The following COL6A6 variants were observed in gnomAD, a reference collection of about 807,000 sequenced individuals.
COL6A6 encodes the protein collagen alpha-6(VI) chain.
In COL6A6, 183 loss-of-function variants were observed where a neutral mutation model predicts 208.6. That is an observed-to-expected ratio of 0.88 (90% confidence interval 0.78 to 0.99). The LOEUF is 0.99. Ranked by LOEUF, COL6A6 falls within the 50% of genes least tolerant of loss-of-function variation. COL6A6 has a pLI of 0.00. For synonymous variants in COL6A6, 973 were observed against 1,011.8 expected (o/e 0.96, Z 0.73); for missense variants, 2,816 against 2,815.2 (o/e 1.00, Z -0.01).
At chr3:130,522,979 A>G (rs191309198) in intron 1 of COL6A6, among the ~76,000 whole-genome samples, 1 of 151,246 alleles carries the variant, frequency 6.6e-6, no homozygotes, top group East Asian at 1.9e-4. Flanking sequence ...ATCTGCTCAC[A>G]CTTTTCTCTG....
At chr3:130,566,307 A>G (rs1447873168) in intron 4 of COL6A6, among the ~76,000 whole-genome samples, 1 of 152,204 alleles carries the variant, frequency 6.6e-6, no homozygotes, top group Admixed American at 6.5e-5. Flanking sequence ...TGCTCAAGAG[A>G]GTTCATGGGC....
chr3:130,609,097 A>T, intron 22 of COL6A6, 133 bp downstream of exon 22: 1 of 681,566 alleles, frequency 1.5e-6, no homozygotes, highest in Non-Finnish European at 2.5e-6. Context: ...GTAATAAAGT[A>T]AGGAAGCAAC....
intron 23 of COL6A6, 40 bp downstream of exon 23, chr3:130,610,751 T>TG (rs1473016364): frequency 7.1e-7 from 1 of 1,401,984 alleles, no homozygotes; most frequent in Admixed American, 2.0e-5. Context: ...ACTTTGATCT[T>TG]GGCTTGATAT....
intron 36 of COL6A6, among the ~76,000 whole-genome samples, chr3:130,671,124 A>G (rs940819320): frequency 6.6e-6 from 1 of 152,210 alleles, no homozygotes; most frequent in Non-Finnish European, 1.5e-5. Flanking sequence ...AGAAACCTCC[A>G]TGGCAGATGG....
chr3:130,594,206 G>A, intron 17 of COL6A6, 75 bp from the exon 18 acceptor site: 1 of 1,133,674 alleles, frequency 8.8e-7, no homozygotes, highest in Non-Finnish European at 1.3e-6. Context: ...ACACCAGGGA[G>A]AAGAAAAGCT....
chr3:130,523,739 G>A (rs1711220062), intron 1 of COL6A6, among the ~76,000 whole-genome samples: 1 of 152,142 alleles, frequency 6.6e-6, no homozygotes. Flanking sequence ...GCTCTGGGAG[G>A]AACCCAGAGG....
At chr3:130,602,345 G>C (rs2064049552) in intron 20 of COL6A6, among the ~76,000 whole-genome samples, 1 of 152,186 alleles carries the variant, frequency 6.6e-6, no homozygotes, top group South Asian at 2.1e-4. Flanking sequence ...CAATAAACAA[G>C]TGGTCCTATT....
chr3:130,550,219 A>G (rs2062611570), intron 1 of COL6A6, among the ~76,000 whole-genome samples: 1 of 152,190 alleles, frequency 6.6e-6, no homozygotes, highest in Admixed American at 6.6e-5. Flanking sequence ...CAGGCACTGT[A>G]GAATTTTCTA....
chr3:130,628,260 A>G (rs1368032858), intron 26 of COL6A6, among the ~76,000 whole-genome samples: 1 of 152,254 alleles, frequency 6.6e-6, no homozygotes, highest in Admixed American at 6.5e-5. Flanking sequence ...ATCCCTTAAC[A>G]TCTTACAAGA....
chr3:130,559,889 T>A (rs1020243868), intron 1 of COL6A6, among the ~76,000 whole-genome samples: 1 of 152,208 alleles, frequency 6.6e-6, no homozygotes, highest in East Asian at 1.9e-4. Context: ...TTTGATCACA[T>A]CTAAAAATAA....
Position 130,568,541 on chromosome 3 carries a change from A to G in COL6A6, c.2338A>G (p.Asn780Asp). The G allele has an allele frequency of 6.2e-7, 1 of 1,611,104 alleles. No individual in the cohort carries two copies. The highest frequency in any genetic ancestry group is 1.1e-5 in the South Asian group (1 of 91,050). The change falls in exon 6 of 37, where the codon AAT becomes GAT. Residue 780 changes from asparagine (N) to aspartate (D), a missense_variant. Asn to Asp is a conservative substitution (Grantham distance 23). Transcript: ENST00000358511. ...GRPEMVFYVE[N>D]FDILQRIEDD... ...GCCCGAGATGGTTTTTTATGTTGAGAATTTTGACATTCTGCAGCGCATTGA... is the reference window on the plus strand; with the variant it reads ...GCCCGAGATGGTTTTTTATGTTGAGGATTTTGACATTCTGCAGCGCATTGA...
chr3:130,655,274 A>G (rs1432165843), intron 33 of COL6A6, among the ~76,000 whole-genome samples: 1 of 152,142 alleles, frequency 6.6e-6, no homozygotes, highest in African/African-American at 2.4e-5. Flanking sequence ...AGGTTTACCC[A>G]TTTCTCTAGA....
At chr3:130,623,057 G>GA (rs2064783887) in intron 24 of COL6A6, among the ~76,000 whole-genome samples, 1 of 152,142 alleles carries the variant, frequency 6.6e-6, no homozygotes. Flanking sequence ...AGCCTGTGGT[G>GA]AATCTATTCA....
At chr3:130,532,432 C>T (rs932831458) in intron 1 of COL6A6, among the ~76,000 whole-genome samples, 2 of 152,238 alleles carry the variant, frequency 1.3e-5, no homozygotes, top group Non-Finnish European at 2.9e-5. Flanking sequence ...AGGTCTACCC[C>T]TTGCGTCCCC....
In COL6A6 at chr3:130,593,190, G is replaced by GT. The variant is rs778751088; in HGVS notation, c.4417-3dup. ...ATTCTATTAATAGCTTTCCCTTCTT[G>GT]TTTTTTAGGGTGATAATGGTCTTCC... On this transcript the variant is annotated splice_polypyrimidine_tract_variant and intron_variant, in intron 16 of 36. Coordinates refer to ENST00000358511, the MANE Select transcript of COL6A6 (RefSeq NM_001102608.3). The GT allele has an allele frequency of 1.2e-6, 2 of 1,612,954 alleles. No homozygotes were observed. The highest frequency in any genetic ancestry group is 1.6e-4 in the Middle Eastern group (1 of 6,062).
chr3:130,672,222 T>C (rs2066235677), intron 36 of COL6A6, among the ~76,000 whole-genome samples: 1 of 152,212 alleles, frequency 6.6e-6, no homozygotes, highest in South Asian at 2.1e-4. Flanking sequence ...TAACCTTATC[T>C]AGAATTTGTC....
chr3:130,531,488 T>C (rs1287430685), intron 1 of COL6A6, among the ~76,000 whole-genome samples: 1 of 152,234 alleles, frequency 6.6e-6, no homozygotes, highest in Non-Finnish European at 1.5e-5. Context: ...GAACCAGTGC[T>C]GCTCTGCTGC....
intron 33 of COL6A6, 60 bp from the exon 34 acceptor site, chr3:130,658,616 C>T: frequency 1.8e-6 from 2 of 1,084,510 alleles, no homozygotes; most frequent in Admixed American, 1.9e-5. Flanking sequence ...TCTATGTAGT[C>T]CTAAGAGGTT....
rs11314176 is a variant in COL6A6 at position 130,525,996 on chromosome 3, A to AT, written c.-32+8608dup. 8.6e-5 allele frequency among the ~76,000 whole-genome samples: 13 copies of AT among 151,792 alleles called. No homozygotes were observed. The South Asian group carries it at 1.7e-3, about 19-fold the overall frequency. ...ATAATTCAACAAATAGTTATTAAGC[A>AT]TTTTTTTTTAATGTACAAACCCTAT... On this transcript the variant is annotated intron_variant, in intron 1 of 36. Transcript: ENST00000358511.
Sources: gnomAD v4.1 joint callset for allele counts (sites outside exome capture counted in the v4.1 genomes callset) on GRCh38, gnomAD v4.1.1 for gene constraint, MANE v1.5 for transcripts, NCBI Gene and HGNC (gene_info 2026-07-23, HGNC 2026-07-21) for gene names.